Variants in CALCOCO2 observed in about 807,000 individuals in gnomAD.
CALCOCO2 encodes calcium binding and coiled-coil domain 2.
In CALCOCO2, 42 loss-of-function variants were observed where a neutral mutation model predicts 62.5. The ratio of observed to expected loss-of-function variants is 0.67; its 90% CI spans 0.53 to 0.87. CALCOCO2 has a LOEUF of 0.87. Among genes scored for constraint, CALCOCO2 ranks in the 40% least tolerant of loss-of-function variants. The probability of loss-of-function intolerance (pLI) is 0.00; values close to 1 mark genes in which losing one functional copy is unlikely to be tolerated. For missense variants in CALCOCO2, 456 were observed against 515.0 expected (o/e 0.89, Z 1.11); for synonymous variants, 167 against 173.0 (o/e 0.97, Z 0.27).
intron 5 of CALCOCO2, among the ~76,000 whole-genome samples, chr17:48,850,477 A>AAT (rs1038120036): frequency 3.3e-5 from 5 of 151,722 alleles, no homozygotes; most frequent in African/African-American, 1.2e-4. Context: ...AAAAACAAAA[A>AAT]ATATATATAT....
rs778703939 is a variant in CALCOCO2, at chr17:48,841,719, C to T, written c.12C>T (p.Thr4=). ...ACAGGACCCCTACCATGGAGGAGAC[C>T]ATCAAAGATCCCCCCACATCAGCTG... MEE[T]IKDPPTSAVL... Residue 4 remains threonine, a synonymous_variant, in exon 2 of 13, where the codon ACC becomes ACT. Coordinates refer to ENST00000258947, the MANE Select transcript of CALCOCO2 (RefSeq NM_005831.5). The T allele has an allele frequency of 1.9e-6, 3 of 1,610,868 alleles. No homozygotes were observed. The highest frequency in any genetic ancestry group is 1.1e-5 in the South Asian group (1 of 90,720).
At position 48,860,348 on chromosome 17, in the gene CALCOCO2, A is replaced by T; in HGVS notation, c.1043A>T (p.Tyr348Phe). 6.2e-7 allele frequency: 1 copy of T among 1,613,660 alleles called. No individual in the cohort carries two copies. ...LKRENSRLLSYMGLDFNSLPY... is the reference protein window; with the variant it reads ...LKRENSRLLSFMGLDFNSLPY... The stretch of plus-strand genomic sequence containing the variant: ...AGGGAGAACAGCAGATTGCTCAGTT[A>T]CATGGGTCTGGATTTTAATTCTTTG... The change falls in exon 11 of 13, where the codon TAC becomes TTC. Residue 348 changes from tyrosine to phenylalanine, a missense_variant. Physicochemically the swap from Tyr to Phe is conservative, Grantham distance 22 (BLOSUM62 3). Transcript: ENST00000258947.
chr17:48,835,880 G>A (rs992638746), intron 1 of CALCOCO2, among the ~76,000 whole-genome samples: 7 of 151,982 alleles, frequency 4.6e-5, no homozygotes, highest in African/African-American at 7.3e-5. Flanking sequence ...CTCCTGAGTA[G>A]CTTGGATTAC....
chr17:48,862,036 G>A (rs1452346946), intron 11 of CALCOCO2, among the ~76,000 whole-genome samples: 2 of 125,090 alleles, frequency 1.6e-5, no homozygotes, highest in African/African-American at 5.6e-5. Flanking sequence ...GCGACAAAGC[G>A]AGACTCTGTC....
rs193184967 is a variant in CALCOCO2 at position 48,859,884 on chromosome 17, C to T, written c.1009-430C>T. ...CCAAGGCGGGCGGATCACTTGTGGT[C>T]AGGAGTTCGAGACCAGCCCGGCCAA... On this transcript the variant is annotated intron_variant, in intron 10 of 12. Coordinates refer to ENST00000258947, the MANE Select transcript of CALCOCO2 (RefSeq NM_005831.5). Among the ~76,000 whole-genome samples, 1,184 of 152,226 alleles carry T rather than the reference C, an allele frequency of 7.8e-3. 2 individuals are homozygous for T. Among genetic ancestry groups the T allele is most frequent in the Middle Eastern group, 0.034 (10 of 294 alleles).
intron 1 of CALCOCO2, among the ~76,000 whole-genome samples, chr17:48,840,434 A>G (rs2039961401): frequency 1.3e-5 from 2 of 152,158 alleles, no homozygotes; most frequent in African/African-American, 4.8e-5. Context: ...CCCAGCCACA[A>G]CTTTCCTATT....
intron 1 of CALCOCO2, among the ~76,000 whole-genome samples, chr17:48,835,744 TCTTTTC>T (rs2039881863): frequency 4.6e-5 from 7 of 151,188 alleles, no homozygotes; most frequent in African/African-American, 1.2e-4. Flanking sequence ...TCTTTTCTTT[TCTTTTC>T]TTTTCTTTTT....
At chr17:48,849,180 T>C in intron 4 of CALCOCO2, 72 bp from the exon 5 acceptor site, 1 of 1,483,312 alleles carries the variant, frequency 6.7e-7, no homozygotes. Context: ...AGCCAGTCCC[T>C]CACCATCCTA....
intron 2 of CALCOCO2, chr17:48,846,636 C>T (rs2040057228): frequency 3.2e-6 from 2 of 619,538 alleles, no homozygotes; most frequent in Non-Finnish European, 5.8e-6. Context: ...AAAATTCCTG[C>T]TTCCTGTACC....
In CALCOCO2 at chr17:48,852,564, A is replaced by G; in HGVS notation, c.761A>G (p.Lys254Arg). 1.2e-6 allele frequency: 2 copies of G among 1,613,202 alleles called. No homozygotes were observed. Among genetic ancestry groups the G allele is most frequent in the Non-Finnish European group, 1.7e-6 (2 of 1,179,174 alleles). The stretch of plus-strand genomic sequence containing the variant: ...AAGCTTGTTCAGGGAGATCAAGATA[A>G]GACAGAGCAGTTAGAGCAGCTGAAA... ...MEKLVQGDQD[K>R]TEQLEQLKKE... Residue 254 changes from lysine to arginine, a missense_variant, in exon 8 of 13, where the codon AAG becomes AGG. Around this residue, in one of 3 missense-constraint regions of CALCOCO2, gnomAD observed 236 missense variants for 225.3 expected, o/e 1.05. Transcript: ENST00000258947.
intron 8 of CALCOCO2, 78 bp from the exon 9 acceptor site, chr17:48,852,848 C>T (rs2040153978): frequency 2.6e-6 from 3 of 1,156,630 alleles, no homozygotes; most frequent in Non-Finnish European, 3.9e-6. Context: ...TGCTCATTAG[C>T]TTAGCAGGCC....
chr17:48,846,083 G>C, intron 2 of CALCOCO2: 1 of 1,436,026 alleles, frequency 7.0e-7, no homozygotes, highest in Non-Finnish European at 9.4e-7. Flanking sequence ...GACACTGGTA[G>C]TATCTGGCAC....
intron 10 of CALCOCO2, among the ~76,000 whole-genome samples, chr17:48,857,785 T>G (rs1345847914): frequency 1.4e-5 from 2 of 147,968 alleles, no homozygotes; most frequent in African/African-American, 4.9e-5. Flanking sequence ...CCATCCTGGC[T>G]AACACAGTGA....
rs763294708 is a variant in CALCOCO2, at chr17:48,851,539, A to C, written c.633-20A>C. 6.9e-6 allele frequency: 10 copies of C among 1,457,164 alleles called. No individual in the cohort carries two copies. In the Admixed American group the frequency reaches 1.0e-4, roughly 15 times the overall value. The allele number at this position is 1,457,164 out of a possible 1,614,324, so 90.3% of individuals were successfully genotyped here. ...CCTGGAATCAGTGAATTTTTCACATAGTTATCTCCACCTCTACAGACTGAA... is the reference window on the plus strand; with the variant it reads ...CCTGGAATCAGTGAATTTTTCACATCGTTATCTCCACCTCTACAGACTGAA... On this transcript the variant is annotated intron_variant, in intron 6 of 12. Coordinates refer to ENST00000258947, the MANE Select transcript of CALCOCO2 (RefSeq NM_005831.5).
At chr17:48,849,193 C>T in intron 4 of CALCOCO2, 59 bp from the exon 5 acceptor site, 1 of 1,564,490 alleles carries the variant, frequency 6.4e-7, no homozygotes. Flanking sequence ...CCATCCTAAC[C>T]TATGGGAATT....
At chr17:48,844,933 C>G (rs2040025847) in intron 2 of CALCOCO2, among the ~76,000 whole-genome samples, 1 of 152,046 alleles carries the variant, frequency 6.6e-6, no homozygotes, top group Non-Finnish European at 1.5e-5. Context: ...GTCAGGAGTT[C>G]AAGACCAGCC....
rs562282287 is a variant in CALCOCO2, at chr17:48,833,372, T to C, written c.-11+2294T>C. ...GAGTTAGAGACCAACTTGGCCAACA[T>C]AGTGAAACCCCGTCTCTACTAAAAA... On this transcript the variant is annotated intron_variant, in intron 1 of 12. Coordinates refer to ENST00000258947, the MANE Select transcript of CALCOCO2 (RefSeq NM_005831.5). Among the ~76,000 whole-genome samples, 187 of 152,010 alleles carry C rather than the reference T, an allele frequency of 1.2e-3. 1 individual carries two copies. Among genetic ancestry groups the C allele is most frequent in the Non-Finnish European group, 2.3e-3 (157 of 67,954 alleles).
chr17:48,841,805 T>A lies in CALCOCO2; in HGVS notation c.98T>A (p.Ile33Asn), dbSNP rs1450491650. ...TTTAACAGTGTGGAGAAGTTCTACA[T>A]CCCTGGAGGGGACGTCACATGTCAT... ...VIFNSVEKFY[I>N]PGGDVTCHYT... The change falls in exon 2 of 13, where the codon ATC becomes AAC. Residue 33 changes from isoleucine to asparagine, a missense_variant. By Grantham distance (149) the Ile-to-Asn change is moderately radical. Around this residue, in one of 3 missense-constraint regions of CALCOCO2, gnomAD observed 48 missense variants for 79.3 expected, o/e 0.61. Transcript: ENST00000258947. 6.2e-7 allele frequency: 1 copy of A among 1,613,620 alleles called. No individual in the cohort carries two copies. Among genetic ancestry groups the A allele is most frequent in the East Asian group, 2.2e-5 (1 of 44,880 alleles).
intron 1 of CALCOCO2, among the ~76,000 whole-genome samples, chr17:48,833,675 T>A (rs1400568007): frequency 6.6e-6 from 1 of 152,222 alleles, no homozygotes; most frequent in Non-Finnish European, 1.5e-5. Flanking sequence ...CTTTCTTGCC[T>A]GTAGAAGCAT....
Sources: gnomAD v4.1 joint callset for allele counts (sites outside exome capture counted in the v4.1 genomes callset) on GRCh38, gnomAD v4.1.1 for gene constraint, gnomAD v4.1.1 regional missense constraint, MANE v1.5 for transcripts, NCBI Gene and HGNC (gene_info 2026-07-23, HGNC 2026-07-21) for gene names.